AGBL4: variants seen among roughly 807,000 people sequenced by gnomAD.
AGBL4 encodes AGBL carboxypeptidase 4, also known as cytosolic carboxypeptidase 6.
A neutral mutation model predicts 66.4 loss-of-function variants in AGBL4; 58 were observed. That is an observed-to-expected ratio of 0.87 (90% CI 0.71 to 1.09). The LOEUF is 1.09. Among genes scored for constraint, AGBL4 ranks in the 50% least tolerant of loss-of-function variants. The pLI, the probability that AGBL4 is intolerant of heterozygous loss-of-function variation, is 0.00. For synonymous variants in AGBL4, 234 were observed against 222.9 expected (o/e 1.05, Z -0.44); for missense variants, 579 against 631.0 (o/e 0.92, Z 0.88).
At chr1:49,247,263 A>G (rs1327311943) in intron 3 of AGBL4, among the ~76,000 whole-genome samples, 1 of 152,150 alleles carries the variant, frequency 6.6e-6, no homozygotes, top group Non-Finnish European at 1.5e-5. Flanking sequence ...AGAGAAAATC[A>G]AAAGTATATC....
intron 5 of AGBL4, among the ~76,000 whole-genome samples, chr1:48,979,357 T>A (rs564275453): frequency 6.6e-6 from 1 of 152,146 alleles, no homozygotes; most frequent in South Asian, 2.1e-4. Flanking sequence ...TGTATTTAGA[T>A]TGTGCTAAGG....
At chr1:49,157,247 C>A (rs1182607213) in intron 4 of AGBL4, among the ~76,000 whole-genome samples, 2 of 151,682 alleles carry the variant, frequency 1.3e-5, no homozygotes, top group Non-Finnish European at 2.9e-5. Context: ...CCCCCACCCC[C>A]CAGAAGGCCC....
intron 4 of AGBL4, among the ~76,000 whole-genome samples, chr1:49,155,887 C>T (rs1232342398): frequency 6.6e-6 from 1 of 152,144 alleles, no homozygotes; most frequent in Non-Finnish European, 1.5e-5. Flanking sequence ...CTCTGTACTA[C>T]ATGTGGTTGT....
chr1:49,702,094 C>T (rs1647105416), intron 2 of AGBL4, among the ~76,000 whole-genome samples: 1 of 151,938 alleles, frequency 6.6e-6, no homozygotes, highest in African/African-American at 2.4e-5. Flanking sequence ...AGATCTAAAA[C>T]AAGTAGTATT....
At chr1:49,748,087 G>A (rs2147827953) in intron 2 of AGBL4, among the ~76,000 whole-genome samples, 1 of 152,122 alleles carries the variant, frequency 6.6e-6, no homozygotes, top group Non-Finnish European at 1.5e-5. Context: ...AGGTATACAT[G>A]TCCCACCGTG....
At chr1:49,667,912 A>C (rs1646400805) in intron 3 of AGBL4, among the ~76,000 whole-genome samples, 2 of 152,190 alleles carry the variant, frequency 1.3e-5, no homozygotes, top group South Asian at 4.1e-4. Flanking sequence ...TGTGGCCTTG[A>C]GTAAATTACT....
At chr1:49,773,668 G>C (rs1644122243) in intron 2 of AGBL4, among the ~76,000 whole-genome samples, 2 of 152,320 alleles carry the variant, frequency 1.3e-5, no homozygotes, top group Non-Finnish European at 2.9e-5. Flanking sequence ...CTAGAAGGTT[G>C]TGTGTCTGAC....
intron 4 of AGBL4, among the ~76,000 whole-genome samples, chr1:49,111,516 A>T (rs926936759): frequency 6.6e-6 from 1 of 152,162 alleles, no homozygotes; most frequent in Non-Finnish European, 1.5e-5. Context: ...ATTCCTTCTA[A>T]ATATTCAATC....
At chr1:49,879,348 C>A (rs1394223000) in intron 1 of AGBL4, among the ~76,000 whole-genome samples, 24 of 150,882 alleles carry the variant, frequency 1.6e-4, no homozygotes, top group South Asian at 6.3e-4. Flanking sequence ...TCTTTTAGGG[C>A]AGGCCTGGTG....
chr1:48,857,004 C>T (rs1489628969), intron 6 of AGBL4, among the ~76,000 whole-genome samples: 5 of 152,068 alleles, frequency 3.3e-5, no homozygotes, highest in South Asian at 2.1e-4. Flanking sequence ...ATTTAGAATA[C>T]GATTTAGATT....
At position 48,533,603 on chromosome 1, in the gene AGBL4, A is replaced by C. The variant is rs1643924456; in HGVS notation, c.*570T>G. 1.3e-5 allele frequency: 2 copies of C among 152,832 alleles called. No individual in the cohort carries two copies. The highest frequency in any genetic ancestry group is 4.1e-4 in the South Asian group (2 of 4,852). 9.5% of individuals were successfully genotyped at this position (152,832 alleles called of 1,614,324 possible). A position where few individuals can be genotyped will look rare whatever the true frequency, so the allele number is the denominator to read the frequency against. On this transcript the variant is annotated 3_prime_UTR_variant, in exon 14 of 14. Coordinates refer to ENST00000371839, the MANE Select transcript of AGBL4 (RefSeq NM_032785.4). The stretch of plus-strand genomic sequence containing the variant: ...AAATCTGCATGCTGGGGTTTGAGGG[A>C]ATCAGCAAGCATGCAGCTTAGATAC...
intron 1 of AGBL4, among the ~76,000 whole-genome samples, chr1:49,939,654 A>G (rs1265983466): frequency 6.6e-6 from 1 of 152,244 alleles, no homozygotes; most frequent in East Asian, 1.9e-4. Flanking sequence ...AGCCATATGT[A>G]GAAAGCTGAA....
Position 50,023,914 on chromosome 1 carries a change from G to C in AGBL4, c.-118C>G, listed in dbSNP as rs1662643245. ...GGAAGACGCGGCACGACGGTTGCCTGGGCAACGGGCGGCAGGCGCGCGGGT... is the reference window on the plus strand; with the variant it reads ...GGAAGACGCGGCACGACGGTTGCCTCGGCAACGGGCGGCAGGCGCGCGGGT... On this transcript the variant is annotated 5_prime_UTR_variant, in exon 1 of 14. Transcript: ENST00000371839. 10 of 1,199,464 alleles carry C rather than the reference G, an allele frequency of 8.3e-6. No homozygotes were observed. The South Asian group carries it at 1.8e-4, about 22-fold the overall frequency. 74.3% of individuals were successfully genotyped at this position (1,199,464 alleles called of 1,614,324 possible).
chr1:49,018,596 A>G (rs999076352), intron 5 of AGBL4, among the ~76,000 whole-genome samples: 3 of 152,170 alleles, frequency 2.0e-5, no homozygotes, highest in Non-Finnish European at 2.9e-5. Flanking sequence ...TTTGTCAGAC[A>G]TTTCTGGGTC....
chr1:49,819,782 A>G (rs913416337), intron 2 of AGBL4, among the ~76,000 whole-genome samples: 4 of 152,230 alleles, frequency 2.6e-5, no homozygotes, highest in African/African-American at 9.6e-5. Flanking sequence ...ATAAAAAAGA[A>G]AACATTGCCC....
intron 4 of AGBL4, among the ~76,000 whole-genome samples, chr1:49,094,670 A>G (rs1051010334): frequency 1.3e-5 from 2 of 152,178 alleles, no homozygotes; most frequent in South Asian, 2.1e-4. Flanking sequence ...TAAATTAGGT[A>G]TTGATGGGCT....
chr1:49,236,674 C>G (rs1464327255), intron 4 of AGBL4, among the ~76,000 whole-genome samples: 3 of 152,084 alleles, frequency 2.0e-5, no homozygotes, highest in African/African-American at 7.2e-5. Context: ...CAATATCAAA[C>G]CAGGAAATTT....
intron 6 of AGBL4, among the ~76,000 whole-genome samples, chr1:48,681,085 G>C (rs976418488): frequency 2.0e-5 from 3 of 152,164 alleles, no homozygotes; most frequent in Admixed American, 6.5e-5. Context: ...TGCTTCCTGT[G>C]TTGATAAACC....
At chr1:48,941,849 C>T (rs1656001016) in intron 5 of AGBL4, among the ~76,000 whole-genome samples, 1 of 152,148 alleles carries the variant, frequency 6.6e-6, no homozygotes, top group Non-Finnish European at 1.5e-5. Context: ...GGATTTGAAG[C>T]AGGATCTGTG....
Sources: gnomAD v4.1 joint callset for allele counts (sites outside exome capture counted in the v4.1 genomes callset) on GRCh38, gnomAD v4.1.1 for gene constraint, MANE v1.5 for transcripts, NCBI Gene and HGNC (gene_info 2026-07-23, HGNC 2026-07-21) for gene names.